TRPC6: variants seen among roughly 807,000 people sequenced by gnomAD.
TRPC6 encodes short transient receptor potential channel 6.
A neutral mutation model predicts 90.7 loss-of-function variants in TRPC6; 55 were observed. The ratio of observed to expected loss-of-function variants is 0.61; its 90% CI spans 0.49 to 0.76. The LOEUF (loss-of-function observed/expected upper bound fraction) is 0.76. Among genes scored for constraint, TRPC6 ranks in the 30% least tolerant of loss-of-function variants. The pLI, the probability that TRPC6 is intolerant of heterozygous loss-of-function variation, is 0.00. For synonymous variants in TRPC6, 393 were observed against 393.0 expected, an observed-to-expected ratio of 1.00 and a Z score of 0.00; for missense variants, 989 against 1,122.7, an observed-to-expected ratio of 0.88 and a Z score of 1.70.
At chr11:101,522,120 C>T (rs1288223626) in intron 1 of TRPC6, among the ~76,000 whole-genome samples, 5 of 152,006 alleles carry the variant, frequency 3.3e-5, no homozygotes, top group African/African-American at 1.2e-4. Flanking sequence ...TTGGGAGGGG[C>T]TAGGGGCAGA....
Position 101,496,578 on chromosome 11 carries a change from T to C in TRPC6, c.946-4840A>G, listed in dbSNP as rs1243123207. On this transcript the variant is annotated intron_variant, in intron 2 of 12. Coordinates refer to ENST00000344327, the MANE Select transcript of TRPC6 (RefSeq NM_004621.6). ...GATATGTCAGCCTTTTTCTATTGAT[T>C]GTTGCCATCAGCAGTGGCTGCTTAG... is the stretch of plus-strand genomic sequence containing the variant. Among the ~76,000 whole-genome samples the C allele has an allele frequency of 2.0e-5, 3 of 152,224 alleles. 1 individual carries two copies. The South Asian group carries it at 6.2e-4, about 31-fold the overall frequency.
At chr11:101,472,983 C>T (rs910467559) in intron 7 of TRPC6, among the ~76,000 whole-genome samples, 10 of 151,502 alleles carry the variant, frequency 6.6e-5, no homozygotes, top group Admixed American at 1.3e-4. Context: ...AAAAAAAACA[C>T]GTGTCCATGG....
intron 2 of TRPC6, among the ~76,000 whole-genome samples, chr11:101,500,289 A>C (rs1006929524): frequency 2.0e-5 from 3 of 147,186 alleles, no homozygotes; most frequent in African/African-American, 7.6e-5. Context: ...GTTCGCTGCA[A>C]CCTCCGCCTC....
At chr11:101,529,778 A>C (rs1343317124) in intron 1 of TRPC6, among the ~76,000 whole-genome samples, 1 of 152,188 alleles carries the variant, frequency 6.6e-6, no homozygotes, top group Non-Finnish European at 1.5e-5. Flanking sequence ...CCATCCACTG[A>C]TAGAAGTGCC....
chr11:101,460,453 C>A (rs1320020262), intron 10 of TRPC6, among the ~76,000 whole-genome samples: 3 of 152,032 alleles, frequency 2.0e-5, no homozygotes, highest in South Asian at 2.1e-4. Flanking sequence ...TTGTATTATT[C>A]TTATGATCAT....
At chr11:101,567,166 C>T (rs1861854050) in intron 1 of TRPC6, among the ~76,000 whole-genome samples, 1 of 152,096 alleles carries the variant, frequency 6.6e-6, no homozygotes, top group South Asian at 2.1e-4. Flanking sequence ...ACCTGGGTCA[C>T]TCTAGCTAGG....
rs556281465 is a variant in TRPC6 at position 101,538,006 on chromosome 11, CTTTGTT to C, written c.171-33214_171-33209del. 9.2e-5 allele frequency among the ~76,000 whole-genome samples: 14 copies of C among 152,146 alleles called. No individual in the cohort carries two copies. The East Asian group carries it at 2.7e-3, about 29-fold the overall frequency. ...CTTAGTATATTTTTCTGTCCTCTTG[CTTTGTT>C]TTTAATTTTTTTCCATAGATCTCAA... is the stretch of plus-strand genomic sequence containing the variant. On this transcript the variant is annotated intron_variant, in intron 1 of 12. Transcript: ENST00000344327.
At chr11:101,538,126 C>T (rs1051687011) in intron 1 of TRPC6, among the ~76,000 whole-genome samples, 1 of 151,756 alleles carries the variant, frequency 6.6e-6, no homozygotes, top group Non-Finnish European at 1.5e-5. Context: ...AATTTTTTTA[C>T]TTAGCACTCT....
At chr11:101,546,368 G>A (rs1330341865) in intron 1 of TRPC6, among the ~76,000 whole-genome samples, 3 of 65,510 alleles carry the variant, frequency 4.6e-5, no homozygotes, top group African/African-American at 1.3e-4. Flanking sequence ...CACCGCACCC[G>A]GCCTTATAAC....
chr11:101,466,680 T>C (rs1214179543), intron 10 of TRPC6, among the ~76,000 whole-genome samples: 1 of 152,172 alleles, frequency 6.6e-6, no homozygotes, highest in African/African-American at 2.4e-5. Context: ...ACCACTTGTC[T>C]CCCTGGCTTC....
At chr11:101,528,465 A>G (rs1408290836) in intron 1 of TRPC6, among the ~76,000 whole-genome samples, 5 of 152,204 alleles carry the variant, frequency 3.3e-5, no homozygotes, top group East Asian at 1.9e-4. Flanking sequence ...GATATGATCT[A>G]TTATGAAATA....
At chr11:101,474,573 A>G (rs1056417549) in intron 6 of TRPC6, among the ~76,000 whole-genome samples, 36 of 152,214 alleles carry the variant, frequency 2.4e-4, no homozygotes, top group African/African-American at 8.7e-4. Context: ...TGCTTTGAAT[A>G]TAAGTATTAT....
At chr11:101,574,785 C>A (rs1862037925) in intron 1 of TRPC6, among the ~76,000 whole-genome samples, 1 of 152,132 alleles carries the variant, frequency 6.6e-6, no homozygotes, top group South Asian at 2.1e-4. Context: ...GTTTAGCTCC[C>A]TAAAAGAATT....
chr11:101,464,339 T>C (rs992883442), intron 10 of TRPC6, among the ~76,000 whole-genome samples: 1 of 152,036 alleles, frequency 6.6e-6, no homozygotes, highest in Non-Finnish European at 1.5e-5. Context: ...TTGAAGTCCC[T>C]AATATCTTTA....
intron 1 of TRPC6, among the ~76,000 whole-genome samples, chr11:101,570,115 T>C (rs1280894770): frequency 6.6e-6 from 1 of 151,764 alleles, no homozygotes; most frequent in African/African-American, 2.4e-5. Flanking sequence ...ACAAACTAGA[T>C]AGACCACTAA....
intron 1 of TRPC6, among the ~76,000 whole-genome samples, chr11:101,551,132 C>T (rs1204861585): frequency 1.3e-5 from 2 of 151,884 alleles, no homozygotes; most frequent in Non-Finnish European, 2.9e-5. Flanking sequence ...AAAATAGTTT[C>T]TCCATATAAG....
At chr11:101,537,270 G>A (rs923669968) in intron 1 of TRPC6, among the ~76,000 whole-genome samples, 5 of 152,048 alleles carry the variant, frequency 3.3e-5, no homozygotes, top group Non-Finnish European at 5.9e-5. Flanking sequence ...AAGGACACAA[G>A]GGATGATAGA....
chr11:101,539,452 G>A (rs904481314), intron 1 of TRPC6, among the ~76,000 whole-genome samples: 2 of 152,168 alleles, frequency 1.3e-5, no homozygotes, highest in African/African-American at 2.4e-5. Flanking sequence ...GCTTTCCTCT[G>A]AAGACACTTA....
rs78606406 is a variant in TRPC6, at chr11:101,537,842, T to C, written c.171-33044A>G. Reference sequence around the variant, plus strand: ...TGGTTTTGCTTAGATGCCAAATTATTTTCTCTTTAAAATGAGTAATTTTAC... The same window carrying C: ...TGGTTTTGCTTAGATGCCAAATTATCTTCTCTTTAAAATGAGTAATTTTAC... On this transcript the variant is annotated intron_variant, in intron 1 of 12. Transcript: ENST00000344327. Among the ~76,000 whole-genome samples the C allele has an allele frequency of 6.8e-4, 104 of 152,336 alleles. No individual in the cohort carries two copies. The East Asian group carries it at 0.02, about 29-fold the overall frequency.
Sources: gnomAD v4.1 joint callset for allele counts (sites outside exome capture counted in the v4.1 genomes callset) on GRCh38, gnomAD v4.1.1 for gene constraint, MANE v1.5 for transcripts, NCBI Gene and HGNC (gene_info 2026-07-23, HGNC 2026-07-21) for gene names.